The following EFHD2 variants were observed in gnomAD, a reference collection of about 807,000 sequenced individuals.
EFHD2 encodes EF-hand domain-containing protein D2.
EFHD2 carries 12 observed loss-of-function variants against 20.3 expected under a neutral mutation model. The observed-to-expected ratio is 0.59, with a 90% confidence interval of 0.38 to 0.96. The LOEUF is 0.96. Ranked by LOEUF, EFHD2 falls within the 40% of genes least tolerant of loss-of-function variation. The pLI is 0.00. For synonymous variants in EFHD2, 131 were observed against 143.9 expected (o/e 0.91, Z 0.64); for missense variants, 250 against 334.3 (o/e 0.75, Z 1.97).
intron 1 of EFHD2, among the ~76,000 whole-genome samples, chr1:15,422,537 C>T (rs1208524086): frequency 1.3e-5 from 2 of 152,014 alleles, no homozygotes; most frequent in Non-Finnish European, 1.5e-5. Flanking sequence ...CCAGATGTCT[C>T]CTGGGGGGCA....
At position 15,428,896 on chromosome 1, in the gene EFHD2, C is replaced by A; in HGVS notation, c.*172C>A. On this transcript the variant is annotated 3_prime_UTR_variant, in exon 4 of 4. Coordinates refer to ENST00000375980, the MANE Select transcript of EFHD2 (RefSeq NM_024329.6). ...TCTTATGGAGGTGGCCCGGCCCCTC[C>A]CCGCTCCCTTCCACTCTGCACGAGG... The A allele has an allele frequency of 2.0e-6, 2 of 1,003,024 alleles. No individual in the cohort carries two copies. Among genetic ancestry groups the A allele is most frequent in the Non-Finnish European group, 2.9e-6 (2 of 694,252 alleles). The allele number at this position is 1,003,024 out of a possible 1,614,324, so 62.1% of individuals were successfully genotyped here.
At chr1:15,427,017 C>T (rs1453708775) in intron 2 of EFHD2, 133 bp from the exon 3 acceptor site, 11 of 1,244,416 alleles carry the variant, frequency 8.8e-6, no homozygotes, top group Admixed American at 5.0e-5. Context: ...CAGCAAGGGG[C>T]GAGACCCAGC....
rs771172023 is a variant in EFHD2 at position 15,410,188 on chromosome 1, C to A, written c.217C>A (p.Gln73Lys). The A allele has an allele frequency of 2.5e-6, 4 of 1,605,566 alleles. No individual in the cohort carries two copies. Among genetic ancestry groups the A allele is most frequent in the Admixed American group, 1.7e-5 (1 of 59,506 alleles). ...ADLNQGIGEP[Q>K]SPSRRVFNPY... ...CCTCAACCAGGGCATCGGCGAGCCCCAGTCGCCCAGCCGCCGCGTCTTCAA... is the reference window on the plus strand; with the variant it reads ...CCTCAACCAGGGCATCGGCGAGCCCAAGTCGCCCAGCCGCCGCGTCTTCAA... Residue 73 changes from glutamine (Q) to lysine (K), a missense_variant, in exon 1 of 4, where the codon CAG becomes AAG. This residue lies in a region of EFHD2 where 143 missense variants were observed against 190.6 expected (regional missense o/e 0.75). Coordinates refer to ENST00000375980, the MANE Select transcript of EFHD2 (RefSeq NM_024329.6).
intron 1 of EFHD2, among the ~76,000 whole-genome samples, chr1:15,422,446 C>T (rs1487633912): frequency 6.6e-6 from 1 of 152,026 alleles, no homozygotes; most frequent in Non-Finnish European, 1.5e-5. Flanking sequence ...GCTTCCCTGG[C>T]CTCCACCCAC....
At chr1:15,415,948 G>A (rs563863440) in intron 1 of EFHD2, among the ~76,000 whole-genome samples, 2 of 152,256 alleles carry the variant, frequency 1.3e-5, no homozygotes, top group African/African-American at 4.8e-5. Flanking sequence ...TTTGTGGCTG[G>A]GGCTTGGGGG....
intron 1 of EFHD2, among the ~76,000 whole-genome samples, chr1:15,416,198 C>T (rs1434248410): frequency 1.3e-5 from 2 of 152,086 alleles, no homozygotes; most frequent in African/African-American, 2.4e-5. Context: ...CCGGCTTCCT[C>T]GCTCTCCTCC....
chr1:15,420,700 A>T (rs1207243243), intron 1 of EFHD2, among the ~76,000 whole-genome samples: 1 of 152,096 alleles, frequency 6.6e-6, no homozygotes, highest in African/African-American at 2.4e-5. Context: ...CTACACTTTT[A>T]GTAGAGACGG....
intron 1 of EFHD2, among the ~76,000 whole-genome samples, chr1:15,411,577 G>A (rs1707517199): frequency 6.6e-6 from 1 of 152,100 alleles, no homozygotes; most frequent in Admixed American, 6.5e-5. Context: ...CCTGTTCCCT[G>A]TCCCCCTGCC....
intron 1 of EFHD2, among the ~76,000 whole-genome samples, chr1:15,421,040 A>T (rs778971670): frequency 1.8e-4 from 28 of 152,184 alleles, no homozygotes; most frequent in Non-Finnish European, 3.5e-4. Flanking sequence ...CCTGTGGACC[A>T]GGCTCTGTGC....
At chr1:15,416,850 A>T (rs968924488) in intron 1 of EFHD2, among the ~76,000 whole-genome samples, 2 of 151,974 alleles carry the variant, frequency 1.3e-5, no homozygotes, top group Non-Finnish European at 2.9e-5. Context: ...TTGCTCTGTC[A>T]CTCAGACCAA....
chr1:15,414,589 G>T (rs1346462535), intron 1 of EFHD2, among the ~76,000 whole-genome samples: 1 of 152,234 alleles, frequency 6.6e-6, no homozygotes, highest in Non-Finnish European at 1.5e-5. Flanking sequence ...GCCCCTCATA[G>T]GGCCCTGGCA....
chr1:15,422,573 G>T (rs1276083621), intron 1 of EFHD2, among the ~76,000 whole-genome samples: 1 of 151,908 alleles, frequency 6.6e-6, no homozygotes, highest in Non-Finnish European at 1.5e-5. Context: ...AAGAGATGCT[G>T]CATTTTGGCC....
chr1:15,430,063 CG>C lies in EFHD2; in HGVS notation c.*1341del, dbSNP rs1557504251. ...ATGCCCAGGAGTCCTGGAAGCTACG[CG>C]GACTTGCAGAGGTTTTATTTTTTGG... On this transcript the variant is annotated 3_prime_UTR_variant, in exon 4 of 4. Coordinates refer to ENST00000375980, the MANE Select transcript of EFHD2 (RefSeq NM_024329.6). 1.3e-5 allele frequency: 2 copies of C among 152,650 alleles called. No individual in the cohort carries two copies. Among genetic ancestry groups the C allele is most frequent in the African/African-American group, 4.8e-5 (2 of 41,450 alleles). 9.5% of individuals were successfully genotyped at this position (152,650 alleles called of 1,614,324 possible).
At chr1:15,423,725 G>A (rs928391402) in intron 1 of EFHD2, among the ~76,000 whole-genome samples, 4 of 152,174 alleles carry the variant, frequency 2.6e-5, no homozygotes, top group African/African-American at 9.7e-5. Context: ...GGCGAAAGGA[G>A]CTGGGGAGCC....
At chr1:15,421,835 C>T (rs1707796561) in intron 1 of EFHD2, among the ~76,000 whole-genome samples, 2 of 152,158 alleles carry the variant, frequency 1.3e-5, no homozygotes, top group South Asian at 2.1e-4. Flanking sequence ...CTAATCCGGA[C>T]CTGGAGGATT....
chr1:15,412,549 C>G (rs1253316642), intron 1 of EFHD2, among the ~76,000 whole-genome samples: 1 of 152,304 alleles, frequency 6.6e-6, no homozygotes, highest in Non-Finnish European at 1.5e-5. Flanking sequence ...TTCTCCAACA[C>G]CCGCTTCCGT....
chr1:15,416,992 G>C (rs762802781), intron 1 of EFHD2, among the ~76,000 whole-genome samples: 3 of 151,630 alleles, frequency 2.0e-5, no homozygotes, highest in African/African-American at 7.3e-5. Context: ...TTTTATTTTT[G>C]TAGAGATGGG....
At chr1:15,420,336 T>C (rs1257436895) in intron 1 of EFHD2, among the ~76,000 whole-genome samples, 1 of 152,172 alleles carries the variant, frequency 6.6e-6, no homozygotes, top group East Asian at 1.9e-4. Flanking sequence ...ATTTTCATTT[T>C]CTTTTTTGTG....
chr1:15,417,853 CAG>C (rs2103273331), intron 1 of EFHD2, among the ~76,000 whole-genome samples: 1 of 152,268 alleles, frequency 6.6e-6, no homozygotes, highest in East Asian at 1.9e-4. Flanking sequence ...TCAGGAGAGA[CAG>C]AATTGGGGTC....
Sources: gnomAD v4.1 joint callset for allele counts (sites outside exome capture counted in the v4.1 genomes callset) on GRCh38, gnomAD v4.1.1 for gene constraint, gnomAD v4.1.1 regional missense constraint, MANE v1.5 for transcripts, NCBI Gene and HGNC (gene_info 2026-07-23, HGNC 2026-07-21) for gene names.